The following PAPSS1 variants were observed in gnomAD, a reference collection of about 807,000 sequenced individuals.
The protein encoded by PAPSS1 is bifunctional 3'-phosphoadenosine 5'-phosphosulfate synthase 1.
In PAPSS1, 50 loss-of-function variants were observed where a neutral mutation model predicts 72.0. The observed-to-expected ratio is 0.69, with a 90% CI of 0.55 to 0.88. The LOEUF is 0.88. Among genes scored for constraint, PAPSS1 ranks in the 40% least tolerant of loss-of-function variants. The pLI is 0.00. For missense variants in PAPSS1, 657 were observed against 782.2 expected, an observed-to-expected ratio of 0.84 and a Z score of 1.91; for synonymous variants, 261 against 263.6, an observed-to-expected ratio of 0.99 and a Z score of 0.09.
At chr4:107,661,217 A>C (rs894906274) in intron 5 of PAPSS1, among the ~76,000 whole-genome samples, 10 of 152,226 alleles carry the variant, frequency 6.6e-5, no homozygotes, top group African/African-American at 2.4e-4. Flanking sequence ...GTTGCCAAAG[A>C]TGTGGAGCAA....
chr4:107,638,620 C>A (rs1296755207), intron 10 of PAPSS1, among the ~76,000 whole-genome samples: 1 of 152,038 alleles, frequency 6.6e-6, no homozygotes, highest in Non-Finnish European at 1.5e-5. Flanking sequence ...TTCCTGCCTC[C>A]CAAACCCAGG....
At chr4:107,702,363 T>C (rs187204734) in intron 1 of PAPSS1, among the ~76,000 whole-genome samples, 2 of 152,348 alleles carry the variant, frequency 1.3e-5, no homozygotes. Flanking sequence ...ATAAAACTTG[T>C]ACATACATAT....
chr4:107,618,933 T>A (rs1725890303), intron 11 of PAPSS1, among the ~76,000 whole-genome samples: 1 of 152,178 alleles, frequency 6.6e-6, no homozygotes, highest in Admixed American at 6.5e-5. Flanking sequence ...TCAATAATAA[T>A]TTGACAAAAT....
At chr4:107,634,431 G>A (rs1445071376) in intron 10 of PAPSS1, among the ~76,000 whole-genome samples, 1 of 152,146 alleles carries the variant, frequency 6.6e-6, no homozygotes, top group Non-Finnish European at 1.5e-5. Flanking sequence ...ATCCAATTCT[G>A]TGCATCTGAG....
chr4:107,620,912 A>G (rs756342864), intron 11 of PAPSS1, among the ~76,000 whole-genome samples: 22 of 152,374 alleles, frequency 1.4e-4, no homozygotes, highest in Non-Finnish European at 2.9e-4. Flanking sequence ...ACATCACTAT[A>G]TAAGACATAT....
chr4:107,676,140 C>T (rs1417881411), intron 5 of PAPSS1, among the ~76,000 whole-genome samples: 2 of 152,146 alleles, frequency 1.3e-5, no homozygotes, highest in African/African-American at 2.4e-5. Flanking sequence ...GGGATGCCCT[C>T]TCTCACCACT....
intron 11 of PAPSS1, among the ~76,000 whole-genome samples, chr4:107,629,965 G>C (rs1726189226): frequency 6.6e-6 from 1 of 152,146 alleles, no homozygotes; most frequent in South Asian, 2.1e-4. Context: ...GACATTATTA[G>C]GCATCCACCT....
chr4:107,686,973 T>C (rs1722802764), intron 4 of PAPSS1, 66 bp downstream of exon 4: 4 of 1,407,410 alleles, frequency 2.8e-6, no homozygotes, highest in Middle Eastern at 1.8e-4. Flanking sequence ...TTAGAAAATA[T>C]CAATCCTAGA....
intron 5 of PAPSS1, among the ~76,000 whole-genome samples, chr4:107,675,169 G>C (rs1578414147): frequency 6.6e-6 from 1 of 152,120 alleles, no homozygotes; most frequent in Middle Eastern, 3.4e-3. Context: ...CAGAAGACAA[G>C]AAATAACTAA....
intron 10 of PAPSS1, among the ~76,000 whole-genome samples, chr4:107,635,841 G>A (rs563147900): frequency 2.6e-5 from 4 of 152,110 alleles, no homozygotes; most frequent in East Asian, 1.9e-4. Context: ...CTTATCACCC[G>A]AAATAGCACA....
At chr4:107,674,490 A>C (rs1208542837) in intron 5 of PAPSS1, among the ~76,000 whole-genome samples, 1 of 152,264 alleles carries the variant, frequency 6.6e-6, no homozygotes, top group East Asian at 1.9e-4. Flanking sequence ...TAACTATCCT[A>C]AATATATATT....
At chr4:107,620,079 G>C (rs1023139795) in intron 11 of PAPSS1, among the ~76,000 whole-genome samples, 16 of 152,168 alleles carry the variant, frequency 1.1e-4, no homozygotes, top group African/African-American at 3.9e-4. Context: ...TTGCTCACAT[G>C]GACAAGAGCT....
Position 107,665,339 on chromosome 4 carries a change from C to G in PAPSS1, c.670-5267G>C, listed in dbSNP as rs544387174. Reference sequence around the variant, plus strand: ...GGAGCAAAACCACCTCAAAGTGACACAAGATATCTGGACAACAGAAAGTTG... The same window carrying G: ...GGAGCAAAACCACCTCAAAGTGACAGAAGATATCTGGACAACAGAAAGTTG... On this transcript the variant is annotated intron_variant, in intron 5 of 11. Coordinates refer to ENST00000265174, the MANE Select transcript of PAPSS1 (RefSeq NM_005443.5). Among the ~76,000 whole-genome samples, 7 of 152,344 alleles carry G rather than the reference C, an allele frequency of 4.6e-5. No homozygotes were observed. In the South Asian group the frequency reaches 1.4e-3, roughly 32 times the overall value.
chr4:107,702,550 ACT>A (rs1723231482), intron 1 of PAPSS1, among the ~76,000 whole-genome samples: 1 of 151,762 alleles, frequency 6.6e-6, no homozygotes, highest in African/African-American at 2.4e-5. Flanking sequence ...AACACCATTC[ACT>A]CTCTACTTCT....
intron 1 of PAPSS1, among the ~76,000 whole-genome samples, chr4:107,707,732 C>T (rs1723375258): frequency 6.6e-6 from 1 of 152,172 alleles, no homozygotes; most frequent in Non-Finnish European, 1.5e-5. Context: ...TCATCTCTCA[C>T]CTGGTTTCCT....
intron 11 of PAPSS1, among the ~76,000 whole-genome samples, chr4:107,617,979 G>A (rs756657694): frequency 1.3e-5 from 2 of 152,134 alleles, no homozygotes; most frequent in Non-Finnish European, 2.9e-5. Flanking sequence ...TGTGAAATGA[G>A]CCTAGAAAAA....
At chr4:107,615,011 C>G (rs1725783617) in intron 11 of PAPSS1, among the ~76,000 whole-genome samples, 1 of 151,618 alleles carries the variant, frequency 6.6e-6, no homozygotes, top group Non-Finnish European at 1.5e-5. Flanking sequence ...ATTTAACTAG[C>G]ATAAATTGAA....
chr4:107,645,447 C>T (rs1433598160), intron 9 of PAPSS1, among the ~76,000 whole-genome samples: 1 of 152,132 alleles, frequency 6.6e-6, no homozygotes, highest in East Asian at 1.9e-4. Context: ...CAGTTACCCA[C>T]CAGATCAATC....
chr4:107,676,427 A>G (rs1727651638), intron 5 of PAPSS1, among the ~76,000 whole-genome samples: 1 of 152,206 alleles, frequency 6.6e-6, no homozygotes, highest in South Asian at 2.1e-4. Context: ...GTGAACTCCC[A>G]TTCACAATGG....
Sources: allele counts gnomAD v4.1 joint callset (sites outside exome capture counted in the v4.1 genomes callset), GRCh38; gene constraint gnomAD v4.1.1; transcripts MANE v1.5; gene names NCBI Gene and HGNC (gene_info 2026-07-23, HGNC 2026-07-21).